Variants in GNB1 observed in about 807,000 individuals in gnomAD.
GNB1 encodes guanine nucleotide-binding protein G(I)/G(S)/G(T) subunit beta-1.
A neutral mutation model predicts 42.9 loss-of-function variants in GNB1; 2 were observed. The ratio of observed to expected loss-of-function variants is 0.05; its 90% CI spans 0.02 to 0.15. The LOEUF (loss-of-function observed/expected upper bound fraction) is 0.15. Ranked by LOEUF, GNB1 falls within the 10% of genes least tolerant of loss-of-function variation. GNB1 has a pLI of 1.00. For synonymous variants in GNB1, 183 were observed against 174.7 expected, an observed-to-expected ratio of 1.05 and a Z score of -0.38; for missense variants, 193 against 462.2, an observed-to-expected ratio of 0.42 and a Z score of 5.34.
At chr1:1,794,816 A>G (rs1443519205) in intron 7 of GNB1, among the ~76,000 whole-genome samples, 3 of 152,136 alleles carry the variant, frequency 2.0e-5, no homozygotes, top group Non-Finnish European at 2.9e-5. Flanking sequence ...CAGCCTCCCA[A>G]GTAGCTGGGA....
chr1:1,794,435 G>A (rs1389102060), intron 7 of GNB1, among the ~76,000 whole-genome samples: 1 of 152,250 alleles, frequency 6.6e-6, no homozygotes, highest in Non-Finnish European at 1.5e-5. Flanking sequence ...CAGTTAGTGT[G>A]TGCCCAGGAT....
At chr1:1,812,382 A>ATG (rs1372416570) in intron 5 of GNB1, among the ~76,000 whole-genome samples, 3 of 134,774 alleles carry the variant, frequency 2.2e-5, no homozygotes, top group Non-Finnish European at 4.8e-5. Context: ...ATAGATATAC[A>ATG]TGTATATATA....
At chr1:1,812,689 A>G (rs1184805884) in intron 5 of GNB1, among the ~76,000 whole-genome samples, 1 of 152,156 alleles carries the variant, frequency 6.6e-6, no homozygotes, top group Non-Finnish European at 1.5e-5. Flanking sequence ...CAGGGTGGCC[A>G]TGATTCTGCA....
intron 8 of GNB1, among the ~76,000 whole-genome samples, chr1:1,793,004 C>T (rs574201792): frequency 2.9e-4 from 44 of 151,514 alleles, no homozygotes; most frequent in African/African-American, 9.7e-4. Flanking sequence ...AGGCAGATGT[C>T]GCAGAGCCAA....
intron 2 of GNB1, among the ~76,000 whole-genome samples, chr1:1,826,600 C>A (rs1647002597): frequency 6.6e-6 from 1 of 152,070 alleles, no homozygotes; most frequent in African/African-American, 2.4e-5. Flanking sequence ...CAATCCTGAG[C>A]ACACAGGGTG....
In GNB1 at chr1:1,847,144, C is replaced by T. The variant is rs117299735; in HGVS notation, c.-95-7906G>A. On this transcript the variant is annotated intron_variant, in intron 1 of 11. Transcript: ENST00000378609. ...AGTGAGCCCCAGCACTGAAGGCAGGCAGGGAGAGGCCAACTCTACTGCTTT... is the reference window on the plus strand; with the variant it reads ...AGTGAGCCCCAGCACTGAAGGCAGGTAGGGAGAGGCCAACTCTACTGCTTT... 4.1e-4 allele frequency among the ~76,000 whole-genome samples: 63 copies of T among 151,872 alleles called. No individual in the cohort carries two copies. The East Asian group carries it at 0.011, about 26-fold the overall frequency.
chr1:1,843,962 G>A (rs942818669), intron 1 of GNB1, among the ~76,000 whole-genome samples: 4 of 152,070 alleles, frequency 2.6e-5, no homozygotes, highest in Non-Finnish European at 4.4e-5. Flanking sequence ...TTGGGAGGCC[G>A]AGGCGGGCGG....
chr1:1,787,326 T>A lies in GNB1; in HGVS notation c.*5A>T. The A allele has an allele frequency of 1.3e-6, 2 of 1,542,016 alleles. No homozygotes were observed. Among genetic ancestry groups the A allele is most frequent in the Non-Finnish European group, 1.8e-6 (2 of 1,114,832 alleles). Reference sequence around the variant, plus strand: ...GCATTTGGGCTGCTGCATTACCTACTGGCGTTAGTTCCAGATCTTGAGGAA... The same window carrying A: ...GCATTTGGGCTGCTGCATTACCTACAGGCGTTAGTTCCAGATCTTGAGGAA... On this transcript the variant is annotated 3_prime_UTR_variant, in exon 11 of 12. Transcript: ENST00000378609. The surrounding 1 kb of genome is among the most constrained non-coding windows in gnomAD (Gnocchi z 4.4).
intron 1 of GNB1, among the ~76,000 whole-genome samples, chr1:1,851,666 C>CT (rs1647990020): frequency 6.6e-6 from 1 of 152,234 alleles, no homozygotes; most frequent in Non-Finnish European, 1.5e-5. Flanking sequence ...AGCCATACAA[C>CT]TTCACATGAA....
At chr1:1,829,748 T>C (rs938031687) in intron 2 of GNB1, among the ~76,000 whole-genome samples, 4 of 152,108 alleles carry the variant, frequency 2.6e-5, no homozygotes, top group Non-Finnish European at 5.9e-5. Flanking sequence ...CTTTTTTCTT[T>C]TTTTTTTGAG....
chr1:1,829,322 C>T (rs933355842), intron 2 of GNB1, among the ~76,000 whole-genome samples: 9 of 152,038 alleles, frequency 5.9e-5, no homozygotes, highest in African/African-American at 1.7e-4. Flanking sequence ...TCCCAAATGC[C>T]GGGATTACAG....
chr1:1,847,375 G>C (rs1347738731), intron 1 of GNB1, among the ~76,000 whole-genome samples: 2 of 152,176 alleles, frequency 1.3e-5, no homozygotes, highest in South Asian at 4.1e-4. Flanking sequence ...GTAAGGGATT[G>C]CCTTTTAAAG....
At chr1:1,829,745 C>CT (rs747988913) in intron 2 of GNB1, among the ~76,000 whole-genome samples, 419 of 149,264 alleles carry the variant, frequency 2.8e-3, no homozygotes, top group Middle Eastern at 0.01. Flanking sequence ...CATCTTTTTT[C>CT]TTTTTTTTTT....
intron 1 of GNB1, among the ~76,000 whole-genome samples, chr1:1,861,306 A>T (rs182469087): frequency 1.1e-3 from 167 of 152,008 alleles, no homozygotes; most frequent in African/African-American, 3.6e-3. Context: ...ACACAAAAAA[A>T]TTTTTTAAAA....
At chr1:1,874,011 G>T (rs532790132) in intron 1 of GNB1, among the ~76,000 whole-genome samples, 50 of 152,160 alleles carry the variant, frequency 3.3e-4, no homozygotes, top group Non-Finnish European at 6.5e-4. Context: ...TCCCTGCTTT[G>T]GAGGCATTCT....
intron 1 of GNB1, among the ~76,000 whole-genome samples, chr1:1,859,676 G>A (rs1380331978): frequency 1.4e-5 from 2 of 144,400 alleles, no homozygotes; most frequent in Non-Finnish European, 3.0e-5. Context: ...GAAAAGGGGA[G>A]AGGAAGGAGA....
intron 1 of GNB1, among the ~76,000 whole-genome samples, chr1:1,882,403 G>A (rs1389207716): frequency 7.3e-6 from 1 of 136,092 alleles, no homozygotes; most frequent in African/African-American, 2.7e-5. Context: ...ACTCCAGCTG[G>A]GTGACAGAGC....
In GNB1 at chr1:1,825,390, T is replaced by C. The variant is rs1646984650; in HGVS notation, c.57+7A>G. The C allele has an allele frequency of 1.2e-6, 2 of 1,600,680 alleles. No individual in the cohort carries two copies. Among genetic ancestry groups the C allele is most frequent in the South Asian group, 2.2e-5 (2 of 90,824 alleles). On this transcript the variant is annotated splice_region_variant and intron_variant, in intron 3 of 11. Coordinates refer to ENST00000378609, the MANE Select transcript of GNB1 (RefSeq NM_002074.5). ...ATTAATAAAACCAAGCACACACAACTACATACTCGAATCTGGTTCTTAAGT... is the reference window on the plus strand; with the variant it reads ...ATTAATAAAACCAAGCACACACAACCACATACTCGAATCTGGTTCTTAAGT...
chr1:1,838,395 TTTTTG>T (rs775862854), intron 2 of GNB1, among the ~76,000 whole-genome samples: 176 of 152,000 alleles, frequency 1.2e-3, no homozygotes, highest in African/African-American at 3.9e-3. Flanking sequence ...AACAAAAAGG[TTTTTG>T]TTTTGTTTTG....
Sources: gnomAD v4.1 joint callset for allele counts (sites outside exome capture counted in the v4.1 genomes callset) on GRCh38, gnomAD v4.1.1 for gene constraint, Gnocchi (gnomAD v3.1) non-coding constraint, MANE v1.5 for transcripts, NCBI Gene and HGNC (gene_info 2026-07-23, HGNC 2026-07-21) for gene names.